ABCC4: variants seen among roughly 807,000 people sequenced by gnomAD.
The protein encoded by ABCC4 is ATP-binding cassette sub-family C member 4.
A neutral mutation model predicts 168.5 loss-of-function variants in ABCC4; 102 were observed. That is an observed-to-expected ratio of 0.61 (90% CI 0.52 to 0.71). The LOEUF (loss-of-function observed/expected upper bound fraction) is 0.71, where lower values mean the gene tolerates loss of function less well. Among genes scored for constraint, ABCC4 ranks in the 30% least tolerant of loss-of-function variants. The pLI, the probability that ABCC4 is intolerant of heterozygous loss-of-function variation, is 0.00. For missense variants in ABCC4, 1,402 were observed against 1,605.8 expected (o/e 0.87, Z 2.17); for synonymous variants, 617 against 590.7 (o/e 1.04, Z -0.65).
At position 95,075,372 on chromosome 13, in the gene ABCC4, G is replaced by T. The variant is rs547111289; in HGVS notation, c.2806+60C>A. 5.9e-5 allele frequency: 95 copies of T among 1,608,776 alleles called. 1 individual carries two copies. In the South Asian group the frequency reaches 9.3e-4, roughly 16 times the overall value. On this transcript the variant is annotated intron_variant, in intron 22 of 30. Transcript: ENST00000645237. ...CCAACAAGCTCATCTGACCAGGGAG[G>T]TTAAGCCAGAAAAAGCAGCAGATCC... is the stretch of plus-strand genomic sequence containing the variant.
chr13:95,080,166 G>T (rs893441729), intron 21 of ABCC4, among the ~76,000 whole-genome samples: 16 of 152,066 alleles, frequency 1.1e-4, no homozygotes, highest in Admixed American at 9.8e-4. Context: ...ACGAACATGG[G>T]ACACATGGGT....
intron 13 of ABCC4, among the ~76,000 whole-genome samples, chr13:95,173,652 G>C (rs945861867): frequency 6.6e-6 from 1 of 152,186 alleles, no homozygotes; most frequent in African/African-American, 2.4e-5. Flanking sequence ...TTTGCCATTC[G>C]AGGACTTAGA....
chr13:95,247,918 G>GACACACACACA (rs1555336942), intron 1 of ABCC4, among the ~76,000 whole-genome samples, 165 bp from the exon 2 acceptor site: 1 of 142,564 alleles, frequency 7.0e-6, no homozygotes, highest in Non-Finnish European at 1.5e-5. Flanking sequence ...GTTAACATGT[G>GACACACACACA]CACACACACA....
At chr13:95,282,509 C>T (rs1365514283) in intron 1 of ABCC4, among the ~76,000 whole-genome samples, 1 of 152,102 alleles carries the variant, frequency 6.6e-6, no homozygotes, top group Non-Finnish European at 1.5e-5. Context: ...GAAACTTTTA[C>T]TAAAGTATGT....
Position 95,192,300 on chromosome 13 carries a change from G to C in ABCC4, c.1263+2536C>G, listed in dbSNP as rs563432812. On this transcript the variant is annotated intron_variant, in intron 9 of 30. Transcript: ENST00000645237. Reference sequence around the variant, plus strand: ...AGCTTCTCTCCAGAAGCCCGTGTCTGTGCCCCTCCTCCCACCCCAGCACCC... The same window carrying C: ...AGCTTCTCTCCAGAAGCCCGTGTCTCTGCCCCTCCTCCCACCCCAGCACCC... Among the ~76,000 whole-genome samples the C allele has an allele frequency of 2.6e-5, 4 of 152,146 alleles. No individual in the cohort carries two copies. The South Asian group carries it at 8.3e-4, about 32-fold the overall frequency.
chr13:95,123,862 G>A (rs935302044), intron 19 of ABCC4, among the ~76,000 whole-genome samples: 1 of 152,232 alleles, frequency 6.6e-6, no homozygotes, highest in Non-Finnish European at 1.5e-5. Flanking sequence ...TTACCAGGGT[G>A]AGGCGGGGTC....
intron 9 of ABCC4, among the ~76,000 whole-genome samples, chr13:95,190,640 A>C (rs1008769844): frequency 1.3e-5 from 2 of 152,376 alleles, no homozygotes; most frequent in Admixed American, 1.3e-4. Flanking sequence ...CTCAACCGTA[A>C]AAACTGCCAA....
At chr13:95,027,902 C>A (rs2031627131) in intron 30 of ABCC4, among the ~76,000 whole-genome samples, 1 of 152,062 alleles carries the variant, frequency 6.6e-6, no homozygotes, top group African/African-American at 2.4e-5. Flanking sequence ...TAAGATTAAA[C>A]CTCAGAGTAA....
At chr13:95,136,658 G>A (rs1039177671) in intron 19 of ABCC4, among the ~76,000 whole-genome samples, 3 of 152,160 alleles carry the variant, frequency 2.0e-5, no homozygotes, top group Admixed American at 1.3e-4. Flanking sequence ...ATGCTAACTC[G>A]GAAAGACAGG....
intron 20 of ABCC4, among the ~76,000 whole-genome samples, chr13:95,115,080 A>G (rs905584207): frequency 2.6e-5 from 4 of 152,072 alleles, no homozygotes; most frequent in Non-Finnish European, 5.9e-5. Flanking sequence ...ACACTTGGGA[A>G]AAAAAAAGTG....
rs1257474310 is a variant in ABCC4 at position 95,159,093 on chromosome 13, T to TTATATGTA, written c.2455+2095_2455+2096insTACATATA. Among the ~76,000 whole-genome samples the TTATATGTA allele has an allele frequency of 1.1e-4, 7 of 61,028 alleles. 1 individual carries two copies. The highest frequency in any genetic ancestry group is 2.7e-4 in the African/African-American group (6 of 22,100). 40.0% of individuals were successfully genotyped at this position (61,028 alleles called of 152,430 possible). ...ATGAGACCTTATTTCTAAATAAATT[T>TTATATGTA]TATATATATATATATATATATATAT... On this transcript the variant is annotated intron_variant, in intron 19 of 30. Coordinates refer to ENST00000645237, the MANE Select transcript of ABCC4 (RefSeq NM_005845.5).
At chr13:95,191,619 C>G (rs2038254242) in intron 9 of ABCC4, among the ~76,000 whole-genome samples, 1 of 152,176 alleles carries the variant, frequency 6.6e-6, no homozygotes, top group Admixed American at 6.5e-5. Context: ...TAAGGTGTTC[C>G]TCCTCTAAAA....
chr13:95,075,992 A>C (rs2033887721), intron 21 of ABCC4, among the ~76,000 whole-genome samples: 1 of 152,126 alleles, frequency 6.6e-6, no homozygotes, highest in Non-Finnish European at 1.5e-5. Context: ...GTCTGTCCCC[A>C]CCTTAAATTG....
intron 3 of ABCC4, among the ~76,000 whole-genome samples, chr13:95,240,232 C>T (rs747558830): frequency 5.3e-5 from 8 of 152,198 alleles, no homozygotes; most frequent in Admixed American, 2.0e-4. Flanking sequence ...GCAAACAACA[C>T]GGTTTCTTCA....
At chr13:95,114,580 A>T (rs1238848780) in intron 20 of ABCC4, among the ~76,000 whole-genome samples, 2 of 152,194 alleles carry the variant, frequency 1.3e-5, no homozygotes, top group Non-Finnish European at 2.9e-5. Flanking sequence ...AAAAGAAAAA[A>T]AAAAATCAGA....
intron 4 of ABCC4, among the ~76,000 whole-genome samples, chr13:95,220,752 A>G (rs1334893328): frequency 1.3e-5 from 2 of 152,212 alleles, no homozygotes; most frequent in Admixed American, 6.5e-5. Flanking sequence ...AAGCATATCA[A>G]ATAACAGCCC....
At chr13:95,164,567 T>C (rs753179616) in intron 15 of ABCC4, 49 bp from the exon 16 acceptor site, 10 of 1,599,420 alleles carry the variant, frequency 6.3e-6, no homozygotes, top group African/African-American at 4.0e-5. Flanking sequence ...ACAAAACTGT[T>C]CCCAAAGATG....
Position 95,038,674 on chromosome 13 carries a change from C to T in ABCC4, c.3736-3935G>A, listed in dbSNP as rs545997019. Among the ~76,000 whole-genome samples, 4 of 152,326 alleles carry T rather than the reference C, an allele frequency of 2.6e-5. No homozygotes were observed. In the East Asian group the frequency reaches 7.7e-4, roughly 29 times the overall value. ...AGGGTTATGTGCTTGCTCTTGTTCA[C>T]TGTTGCATCTCCATGGCCTGGCATT... On this transcript the variant is annotated intron_variant, in intron 29 of 30. Coordinates refer to ENST00000645237, the MANE Select transcript of ABCC4 (RefSeq NM_005845.5).
At chr13:95,244,670 A>AAAGAAAGAAATAAATCAATC (rs72377318) in intron 3 of ABCC4, among the ~76,000 whole-genome samples, 5 of 106,356 alleles carry the variant, frequency 4.7e-5, no homozygotes, top group Admixed American at 1.9e-4. Flanking sequence ...AGAAAGAAAG[A>AAAGAAAGAAATAAATCAATC]AATCATAGCA....
Sources: gnomAD v4.1 joint callset for allele counts (sites outside exome capture counted in the v4.1 genomes callset) on GRCh38, gnomAD v4.1.1 for gene constraint, MANE v1.5 for transcripts, NCBI Gene and HGNC (gene_info 2026-07-23, HGNC 2026-07-21) for gene names.